POLA1: variants seen among roughly 807,000 people sequenced by gnomAD.
POLA1 encodes the protein DNA polymerase alpha catalytic subunit.
A neutral mutation model predicts 124.0 loss-of-function variants in POLA1; 15 were observed. The observed-to-expected ratio is 0.12, with a 90% CI of 0.08 to 0.19. The LOEUF is 0.19. Ranked by LOEUF, POLA1 falls within the 10% of genes least tolerant of loss-of-function variation. The pLI, the probability that POLA1 is intolerant of heterozygous loss-of-function variation, is 1.00. For missense variants in POLA1, 886 were observed against 1,103.4 expected (o/e 0.80, Z 2.79); for synonymous variants, 408 against 389.4 (o/e 1.05, Z -0.56).
intron 36 of POLA1, among the ~76,000 whole-genome samples, chrX:24,943,515 C>CA (rs977919139): frequency 7.2e-5 from 8 of 111,413 alleles, no homozygotes; most frequent in African/African-American, 2.6e-4. Flanking sequence ...ATTGCCTTAC[C>CA]AAAAAAAGTC....
At chrX:24,708,106 T>C (rs1207187255) in intron 4 of POLA1, among the ~76,000 whole-genome samples, 2 of 112,146 alleles carry the variant, frequency 1.8e-5, no homozygotes, top group African/African-American at 6.5e-5. Context: ...AAATATTTAC[T>C]TGTATTCAAA....
chrX:24,776,841 T>A (rs2045148460), intron 26 of POLA1, among the ~76,000 whole-genome samples: 1 of 111,982 alleles, frequency 8.9e-6, no homozygotes, highest in Non-Finnish European at 1.9e-5. Context: ...AGAACATGAG[T>A]TTGAAATTGT....
intron 15 of POLA1, among the ~76,000 whole-genome samples, chrX:24,728,710 C>G (rs755042089): frequency 8.9e-6 from 1 of 111,978 alleles, no homozygotes; most frequent in Admixed American, 9.5e-5. Flanking sequence ...GGCAGGCAAT[C>G]AATTGTCTGT....
intron 26 of POLA1, among the ~76,000 whole-genome samples, chrX:24,762,572 C>G (rs1185587541): frequency 9.3e-6 from 1 of 107,577 alleles, no homozygotes; most frequent in Non-Finnish European, 1.9e-5. Flanking sequence ...TGTAGAGGTC[C>G]TGTGGTGGTT....
chrX:24,765,043 CTTTTACCTCATT>C (rs759711025), intron 26 of POLA1, among the ~76,000 whole-genome samples: 1 of 111,284 alleles, frequency 9.0e-6, no homozygotes, highest in African/African-American at 3.3e-5. Flanking sequence ...TTCACCTCTC[CTTTTACCTCATT>C]TTTGTGCCTC....
At chrX:24,697,404 G>A (rs1288053003) in intron 1 of POLA1, among the ~76,000 whole-genome samples, 2 of 111,881 alleles carry the variant, frequency 1.8e-5, no homozygotes, top group African/African-American at 6.5e-5. Flanking sequence ...GCCTGTTCAC[G>A]ATTTTTGAAA....
At chrX:24,849,648 T>C (rs1004194250) in intron 34 of POLA1, among the ~76,000 whole-genome samples, 7 of 88,457 alleles carry the variant, frequency 7.9e-5, no homozygotes, top group African/African-American at 9.3e-5. Context: ...TTTTTTTTTT[T>C]CGAGACGGAG....
chrX:24,724,598 A>G lies in POLA1; in HGVS notation c.1317+147A>G, dbSNP rs1413537227. 10 of 387,653 alleles carry G rather than the reference A, an allele frequency of 2.6e-5. No homozygotes were observed. Among genetic ancestry groups the G allele is most frequent in the Non-Finnish European group, 4.1e-5 (9 of 221,987 alleles). The allele number at this position is 387,653 out of a possible 1,213,427, so 31.9% of individuals were successfully genotyped here. On this transcript the variant is annotated intron_variant, in intron 12 of 36. Coordinates refer to ENST00000379068, the MANE Select transcript of POLA1 (RefSeq NM_001330360.2). The stretch of plus-strand genomic sequence containing the variant: ...GGAAATTTCATAGGTATGAATGTAA[A>G]AACAGTATATTAGATTTGCAAAAAT...
At chrX:24,946,137 G>A (rs185326244) in intron 36 of POLA1, among the ~76,000 whole-genome samples, 1 of 111,179 alleles carries the variant, frequency 9.0e-6, no homozygotes, top group African/African-American at 3.3e-5. Context: ...TAAGGTGGAG[G>A]CTAACCCAAA....
chrX:24,804,915 T>C (rs894786712), intron 26 of POLA1, among the ~76,000 whole-genome samples: 26 of 111,941 alleles, frequency 2.3e-4, no homozygotes, highest in Non-Finnish European at 4.3e-4. Context: ...CTTAGGTTGT[T>C]GCTGTTGTTA....
intron 32 of POLA1, among the ~76,000 whole-genome samples, chrX:24,833,427 T>A (rs757825762): frequency 1.8e-5 from 2 of 112,204 alleles, no homozygotes; most frequent in Non-Finnish European, 3.8e-5. Context: ...CTAGTGGGAT[T>A]TCTGGATCAA....
At chrX:24,828,373 G>A (rs2046207852) in intron 32 of POLA1, among the ~76,000 whole-genome samples, 1 of 112,091 alleles carries the variant, frequency 8.9e-6, no homozygotes. Context: ...TGGCACATAG[G>A]TAGTAAGTAG....
chrX:24,890,559 T>G (rs1211768570), intron 35 of POLA1, among the ~76,000 whole-genome samples: 1 of 112,563 alleles, frequency 8.9e-6, no homozygotes, highest in Non-Finnish European at 1.9e-5. Context: ...ATACATTGCA[T>G]AAATACAATA....
At chrX:24,713,269 ATTCT>A (rs1929593614) in intron 4 of POLA1, among the ~76,000 whole-genome samples, 1 of 110,535 alleles carries the variant, frequency 9.0e-6, no homozygotes, top group Non-Finnish European at 1.9e-5. Context: ...GGCCTACCAC[ATTCT>A]TTCAATTATT....
At chrX:24,779,063 C>G (rs996592668) in intron 26 of POLA1, among the ~76,000 whole-genome samples, 2 of 110,890 alleles carry the variant, frequency 1.8e-5, no homozygotes, top group Non-Finnish European at 3.8e-5. Context: ...ACTGATTAGA[C>G]ATTTCTTTCT....
intron 21 of POLA1, 138 bp from the exon 22 acceptor site, chrX:24,741,861 CTTT>C (rs200595954): frequency 1.6e-5 from 6 of 372,369 alleles, no homozygotes; most frequent in African/African-American, 1.2e-4. Context: ...AATTTAGTAC[CTTT>C]TTTTTTTTTA....
In POLA1 at chrX:24,724,363, C is replaced by T; in HGVS notation, c.1229C>T (p.Thr410Ile). ...MKIDLNTGKE[T>I]GTPISMKDVY... Reference sequence around the variant, plus strand: ...ATTGATCTAAATACGGGGAAAGAAACAGGAACTCCAATTTCAATGAAGGAT... The same window carrying T: ...ATTGATCTAAATACGGGGAAAGAAATAGGAACTCCAATTTCAATGAAGGAT... Residue 410 changes from threonine (T) to isoleucine (I), a missense_variant, in exon 12 of 37, where the codon ACA becomes ATA. By Grantham distance (89) the Thr-to-Ile change is moderately conservative (BLOSUM62 -1). Coordinates refer to ENST00000379068, the MANE Select transcript of POLA1 (RefSeq NM_001330360.2). 8.9e-7 allele frequency: 1 copy of T among 1,129,117 alleles called. No homozygotes were observed. Among genetic ancestry groups the T allele is most frequent in the South Asian group, 1.9e-5 (1 of 52,647 alleles). 93.1% of individuals were successfully genotyped at this position (1,129,117 alleles called of 1,213,427 possible).
chrX:24,891,748 G>C (rs1208105756), intron 35 of POLA1, among the ~76,000 whole-genome samples: 1 of 111,894 alleles, frequency 8.9e-6, no homozygotes, highest in Non-Finnish European at 1.9e-5. Context: ...TTAATGAACA[G>C]AACATTTCTT....
rs767188005 is a variant in POLA1 at position 24,752,055 on chromosome X, G to A, written c.2964+3063G>A. On this transcript the variant is annotated intron_variant, in intron 26 of 36. Coordinates refer to ENST00000379068, the MANE Select transcript of POLA1 (RefSeq NM_001330360.2). The stretch of plus-strand genomic sequence containing the variant: ...TGGATGTGGATTAATACACAGCCTA[G>A]GGAGGCCTTGAAGCCCCCTTTTCCT... Among the ~76,000 whole-genome samples, 4 of 111,799 alleles carry A rather than the reference G, an allele frequency of 3.6e-5. No individual in the cohort carries two copies. In the South Asian group the frequency reaches 1.5e-3, roughly 42 times the overall value.
Sources: gnomAD v4.1 joint callset for allele counts (sites outside exome capture counted in the v4.1 genomes callset) on GRCh38, gnomAD v4.1.1 for gene constraint, MANE v1.5 for transcripts, NCBI Gene and HGNC (gene_info 2026-07-23, HGNC 2026-07-21) for gene names.